Variants in ASTN1 observed in about 807,000 individuals in gnomAD.
The protein encoded by ASTN1 is astrotactin-1.
Under a neutral mutation model 140.7 loss-of-function variants are expected in ASTN1, and 41 were observed. The ratio of observed to expected loss-of-function variants is 0.29; its 90% confidence interval spans 0.23 to 0.38. ASTN1 has a LOEUF of 0.38. ASTN1 is among the 10% of genes least tolerant of loss of function. The pLI, the probability that ASTN1 is intolerant of heterozygous loss-of-function variation, is 1.00. For synonymous variants in ASTN1, 640 were observed against 652.2 expected (o/e 0.98, Z 0.29); for missense variants, 1,479 against 1,678.8 (o/e 0.88, Z 2.08).
chr1:176,916,556 T>A (rs918148912), intron 16 of ASTN1, among the ~76,000 whole-genome samples: 1 of 152,152 alleles, frequency 6.6e-6, no homozygotes. Context: ...GAGTGTGCAC[T>A]GCTATGGCTC....
intron 1 of ASTN1, among the ~76,000 whole-genome samples, chr1:177,148,336 T>C (rs984194100): frequency 1.3e-5 from 2 of 150,360 alleles, no homozygotes; most frequent in African/African-American, 4.9e-5. Context: ...GAGAATGGCG[T>C]GAACCCGGGA....
intron 11 of ASTN1, among the ~76,000 whole-genome samples, chr1:176,956,500 C>T (rs1241734842): frequency 1.3e-5 from 2 of 152,146 alleles, no homozygotes; most frequent in Non-Finnish European, 2.9e-5. Context: ...TGCTCTGGGT[C>T]CTCTCACAAA....
At chr1:176,870,405 A>G (rs1174359589) in intron 21 of ASTN1, among the ~76,000 whole-genome samples, 10 of 152,212 alleles carry the variant, frequency 6.6e-5, no homozygotes. Flanking sequence ...CAGTTTCCAG[A>G]GTTGGAATGA....
intron 18 of ASTN1, 48 bp downstream of exon 18, chr1:176,888,023 C>A (rs753424102): frequency 6.2e-7 from 1 of 1,611,190 alleles, no homozygotes; most frequent in South Asian, 1.1e-5. Context: ...AGTAGACGCT[C>A]ATTATCTGTT....
rs575113413 is a variant in ASTN1 at position 176,872,359 on chromosome 1, T to C, written c.3464-3332A>G. On this transcript the variant is annotated intron_variant, in intron 21 of 22. Coordinates refer to ENST00000361833, the MANE Select transcript of ASTN1 (RefSeq NM_004319.3). ...CCTCACCCTTATGGCACTTACAGTC[T>C]GGTGGTAGGAGACAGTCAGGTCAGG... Among the ~76,000 whole-genome samples, 5 of 152,310 alleles carry C rather than the reference T, an allele frequency of 3.3e-5. No homozygotes were observed. In the East Asian group the frequency reaches 9.6e-4, roughly 29 times the overall value.
intron 16 of ASTN1, among the ~76,000 whole-genome samples, chr1:176,906,505 A>T (rs933837481): frequency 9.2e-5 from 14 of 152,120 alleles, no homozygotes; most frequent in African/African-American, 3.1e-4. Context: ...ATATGATAAG[A>T]GGTGTTATTA....
chr1:176,904,413 G>T (rs1669899372), intron 16 of ASTN1, among the ~76,000 whole-genome samples: 1 of 151,598 alleles, frequency 6.6e-6, no homozygotes, highest in Non-Finnish European at 1.5e-5. Flanking sequence ...CCGGGATGTG[G>T]AGATCTGTGC....
intron 1 of ASTN1, among the ~76,000 whole-genome samples, chr1:177,109,620 T>C (rs1680717275): frequency 6.6e-6 from 1 of 152,214 alleles, no homozygotes; most frequent in South Asian, 2.1e-4. Flanking sequence ...GATTTCAGAA[T>C]GAGCTCTTTG....
chr1:176,949,271 G>A lies in ASTN1; in HGVS notation c.1968C>T (p.Phe656=). Residue 656 remains phenylalanine, a synonymous_variant, in exon 12 of 23, where the codon TTC becomes TTT. Coordinates refer to ENST00000361833, the MANE Select transcript of ASTN1 (RefSeq NM_004319.3). Reference sequence around the variant, plus strand: ...GGCACAGCTGCTCACAGCCGCCGTTGAAGCCGTCGGAACAGTCCACCCCGA... The same window carrying A: ...GGCACAGCTGCTCACAGCCGCCGTTAAAGCCGTCGGAACAGTCCACCCCGA... ...RHIGVDCSDG[F]NGGCEQLCLQ... 5 of 1,614,138 alleles carry A rather than the reference G, an allele frequency of 3.1e-6. No homozygotes were observed. The highest frequency in any genetic ancestry group is 4.2e-6 in the Non-Finnish European group (5 of 1,180,026).
At chr1:177,036,665 C>T (rs920664546) in intron 2 of ASTN1, among the ~76,000 whole-genome samples, 9 of 152,008 alleles carry the variant, frequency 5.9e-5, no homozygotes, top group South Asian at 2.1e-4. Context: ...GCAGGTAGCA[C>T]GTAGGAAGAA....
chr1:176,993,032 A>G (rs1212967719), intron 8 of ASTN1, among the ~76,000 whole-genome samples: 4 of 152,234 alleles, frequency 2.6e-5, no homozygotes, highest in Non-Finnish European at 4.4e-5. Flanking sequence ...TCTGCCATGT[A>G]GGAACCTGGC....
At position 177,029,644 on chromosome 1, in the gene ASTN1, C is replaced by A; in HGVS notation, c.1110G>T (p.Arg370Ser). Reference sequence around the variant, plus strand: ...CTCTATCATTCCTACCTCTACTACGCCTCCTGCTCCTTGAAGGATCCGTGT... The same window carrying A: ...CTCTATCATTCCTACCTCTACTACGACTCCTGCTCCTTGAAGGATCCGTGT... ...TFYTDPSRSR[R>S]RSRVGSPRSP... The change falls in exon 5 of 23, where the codon AGG becomes AGT. Residue 370 changes from arginine (R) to serine (S), a missense_variant. Arg to Ser is a moderately radical substitution (Grantham distance 110, BLOSUM62 -1). Transcript: ENST00000361833. 1 of 1,613,780 alleles carries A rather than the reference C, an allele frequency of 6.2e-7. No individual in the cohort carries two copies.
At chr1:176,886,662 C>T (rs1669043649) in intron 18 of ASTN1, among the ~76,000 whole-genome samples, 1 of 152,172 alleles carries the variant, frequency 6.6e-6, no homozygotes, top group Admixed American at 6.5e-5. Context: ...TCTAGTGCTG[C>T]ATTCTCCTCC....
rs1374807458 is a variant in ASTN1, at chr1:176,862,581, A to G, written c.*1703T>C. ...AAAACAGAACTGGGTATCCCAGAGTAGCTAAGATCCTGTGCCCTGGAGACC... is the reference window on the plus strand; with the variant it reads ...AAAACAGAACTGGGTATCCCAGAGTGGCTAAGATCCTGTGCCCTGGAGACC... On this transcript the variant is annotated 3_prime_UTR_variant, in exon 23 of 23. Transcript: ENST00000361833. 1 of 985,230 alleles carries G rather than the reference A, an allele frequency of 1.0e-6. No individual in the cohort carries two copies. Among genetic ancestry groups the G allele is most frequent in the Non-Finnish European group, 1.2e-6 (1 of 829,870 alleles). The allele number at this position is 985,230 out of a possible 1,614,324, so 61.0% of individuals were successfully genotyped here.
At chr1:176,951,882 A>C (rs575444470) in intron 11 of ASTN1, among the ~76,000 whole-genome samples, 207 of 152,330 alleles carry the variant, frequency 1.4e-3, no homozygotes, top group Middle Eastern at 3.4e-3. Flanking sequence ...AATGGTCTAC[A>C]TATGTTATCT....
intron 8 of ASTN1, among the ~76,000 whole-genome samples, chr1:176,993,891 T>C (rs183753559): frequency 3.2e-4 from 48 of 152,342 alleles, no homozygotes; most frequent in Admixed American, 2.6e-4. Flanking sequence ...CTACACTTTC[T>C]GCACTTTATA....
At chr1:176,965,301 G>T (rs548486394) in intron 8 of ASTN1, 64 bp from the exon 9 acceptor site, 80 of 1,547,048 alleles carry the variant, frequency 5.2e-5, no homozygotes, top group Non-Finnish European at 6.6e-5. Context: ...CACCCACTTC[G>T]TATCAGGCAC....
At position 177,078,628 on chromosome 1, in the gene ASTN1, A is replaced by T. The variant is rs564309048; in HGVS notation, c.284-17363T>A. On this transcript the variant is annotated intron_variant, in intron 1 of 22. Coordinates refer to ENST00000361833, the MANE Select transcript of ASTN1 (RefSeq NM_004319.3). ...AATGAGAGAGTAAACTAGTTCCCAGATTTCTTCATTATTGTAAAGTCTAGG... is the reference window on the plus strand; with the variant it reads ...AATGAGAGAGTAAACTAGTTCCCAGTTTTCTTCATTATTGTAAAGTCTAGG... 4.6e-5 allele frequency among the ~76,000 whole-genome samples: 7 copies of T among 152,288 alleles called. No individual in the cohort carries two copies. In the East Asian group the frequency reaches 9.6e-4, roughly 21 times the overall value.
In ASTN1 at chr1:177,032,837, C is replaced by T. The variant is rs1364819044; in HGVS notation, c.484G>A (p.Ala162Thr). ...LHISVMGGMI[A>T]LLLSILCLVM... ...AGGCACAAGATGGACAGCAGCAGAG[C>T]GATCATGCCACCCTAGGAAGAGAGG... Residue 162 changes from alanine to threonine, a missense_variant, in exon 3 of 23, where the codon GCT becomes ACT. Around this residue, in one of 3 missense-constraint regions of ASTN1, gnomAD observed 729 missense variants for 860.4 expected, o/e 0.85. Transcript: ENST00000361833. The T allele has an allele frequency of 1.9e-6, 3 of 1,601,552 alleles. No individual in the cohort carries two copies. Among genetic ancestry groups the T allele is most frequent in the Admixed American group, 1.7e-5 (1 of 59,646 alleles).
Sources: gnomAD v4.1 joint callset for allele counts (sites outside exome capture counted in the v4.1 genomes callset) on GRCh38, gnomAD v4.1.1 for gene constraint, gnomAD v4.1.1 regional missense constraint, MANE v1.5 for transcripts, NCBI Gene and HGNC (gene_info 2026-07-23, HGNC 2026-07-21) for gene names.